The following SELENOV variants were observed in gnomAD, a reference collection of about 807,000 sequenced individuals.
SELENOV encodes the protein selenoprotein V.
A neutral mutation model predicts 21.6 loss-of-function variants in SELENOV; 25 were observed. That is an observed-to-expected ratio of 1.16 (90% CI 0.84 to 1.62). The LOEUF (loss-of-function observed/expected upper bound fraction) is 1.62, where lower values mean the gene tolerates loss of function less well. Among genes scored for constraint, SELENOV ranks in the 40% most tolerant of loss-of-function variants. The pLI, the probability that SELENOV is intolerant of heterozygous loss-of-function variation, is 0.00. For synonymous variants in SELENOV, 227 were observed against 216.9 expected, an observed-to-expected ratio of 1.05 and a Z score of -0.41; for missense variants, 472 against 459.0, an observed-to-expected ratio of 1.03 and a Z score of -0.26.
intron 5 of SELENOV, among the ~76,000 whole-genome samples, chr19:39,519,390 A>G (rs1260298617): frequency 6.6e-6 from 1 of 152,106 alleles, no homozygotes; most frequent in African/African-American, 2.4e-5. Flanking sequence ...GAGGCAGGGC[A>G]CAAGTCTAGC....
chr19:39,518,677 A>G (rs2079712189), intron 2 of SELENOV, 45 bp downstream of exon 2: 2 of 1,613,138 alleles, frequency 1.2e-6, no homozygotes. Flanking sequence ...TGAGGCAGGA[A>G]GACTGGGAGG....
exon 5 of SELENOV, chr19:39,519,091 C>T (rs762713512): frequency 6.6e-5 from 107 of 1,613,556 alleles, no homozygotes; most frequent in Non-Finnish European, 8.5e-5. Context: ...GCTTTGTGAA[C>T]GAGTCCAGGC....
In SELENOV at chr19:39,515,621, G is replaced by T; in HGVS notation, c.409G>T (p.Ala137Ser). Residue 137 changes from alanine to serine, a missense_variant, in exon 1 of 6, where the codon GCG (alanine) becomes TCG (serine). Ala to Ser is a moderately conservative substitution (Grantham distance 99). Transcript: ENST00000335426. This position sits in a 1 kb window ranked among gnomAD's most constrained non-coding sequence, Gnocchi z 5.1. ...CCAGCTCCTGGCAGGGATTCGGGCC[G>T]CGCTCCCCGTCTTGGACTCCTACCT... 1 of 1,548,164 alleles carries T rather than the reference G, an allele frequency of 6.5e-7. No individual in the cohort carries two copies. Among genetic ancestry groups the T allele is most frequent in the Non-Finnish European group, 8.7e-7 (1 of 1,146,854 alleles).
rs901936120 is a variant in SELENOV, at chr19:39,515,782, G to A, written c.570G>A (p.Gly190=). Residue 190 remains glycine, a synonymous_variant, in exon 1 of 6, where the codon GGG becomes GGA. Coordinates refer to ENST00000335426, the Ensembl canonical transcript of SELENOV. The surrounding 1 kb of genome is among the most constrained non-coding windows in gnomAD (Gnocchi z 5.1). ...CCAGCGAGGCCGGGCCCGCCCCGGG[G>A]CCCCTTCCCACGCGCACCCCGCTGG... is the stretch of plus-strand genomic sequence containing the variant. 7 of 1,549,246 alleles carry A rather than the reference G, an allele frequency of 4.5e-6. No homozygotes were observed. The Admixed American group carries it at 5.9e-5, about 13-fold the overall frequency.
In SELENOV at chr19:39,518,898, C is replaced by G; in HGVS notation, c.889-5C>G. 6.2e-7 allele frequency: 1 copy of G among 1,613,850 alleles called. No homozygotes were observed. The highest frequency in any genetic ancestry group is 8.5e-7 in the Non-Finnish European group (1 of 1,179,842). The stretch of plus-strand genomic sequence containing the variant: ...GCCTCCCCTACGCTCACCATTTCCT[C>G]CCAGGAGGAGGACAGAGCTGCCCAG... On this transcript the variant is annotated splice_region_variant and splice_polypyrimidine_tract_variant and intron_variant, in intron 3 of 5. Transcript: ENST00000335426.
In SELENOV at chr19:39,515,689, G is replaced by A; in HGVS notation, c.477G>A (p.Pro159=). ...TGGATCCGCCCCCGGAACCTGCTCC[G>A]GAGCTGCCTTTGTTGCCCGAGGAGG... Residue 159 remains proline, a synonymous_variant, in exon 1 of 6, where the codon CCG becomes CCA. Transcript: ENST00000335426. The surrounding 1 kb of genome is among the most constrained non-coding windows in gnomAD (Gnocchi z 5.1). 1.3e-6 allele frequency: 2 copies of A among 1,549,012 alleles called. No individual in the cohort carries two copies. Among genetic ancestry groups the A allele is most frequent in the Non-Finnish European group, 1.7e-6 (2 of 1,146,814 alleles).
At position 39,516,177 on chromosome 19, in the gene SELENOV, T is replaced by C. The variant is rs959784070; in HGVS notation, c.809+156T>C. The stretch of plus-strand genomic sequence containing the variant: ...CAGTTCCCAGATTGGAAACCCGCTC[T>C]TGTCTCTCATTCTCTTTGGGGCAGG... On this transcript the variant is annotated intron_variant, in intron 1 of 5. Coordinates refer to ENST00000335426, the Ensembl canonical transcript of SELENOV. 9.8e-6 allele frequency: 7 copies of C among 717,088 alleles called. No homozygotes were observed. The African/African-American group carries it at 1.2e-4, about 13-fold the overall frequency. The allele number at this position is 717,088 out of a possible 1,614,324, so 44.4% of individuals were successfully genotyped here. A position where few individuals can be genotyped will look rare whatever the true frequency, so the allele number is the denominator to read the frequency against.
intron 5 of SELENOV, among the ~76,000 whole-genome samples, chr19:39,519,671 G>GA (rs200589749): frequency 0.23 from 33,070 of 143,964 alleles, 3,884 homozygotes; most frequent in South Asian, 0.36. Context: ...GTCTCTACAA[G>GA]AAAAAAAAAA....
chr19:39,516,062 G>C, intron 1 of SELENOV, 41 bp downstream of exon 1: 1 of 1,532,672 alleles, frequency 6.5e-7, no homozygotes, highest in Non-Finnish European at 8.8e-7. Flanking sequence ...CCCGGGGACA[G>C]GGCCGGCAGT....
chr19:39,518,146 C>T (rs939090082), intron 1 of SELENOV, among the ~76,000 whole-genome samples: 3 of 151,308 alleles, frequency 2.0e-5, no homozygotes, highest in South Asian at 2.1e-4. Context: ...TGGTGGGCGC[C>T]TATAGTCCCA....
chr19:39,516,111 G>T, intron 1 of SELENOV, 90 bp downstream of exon 1: 1 of 1,144,660 alleles, frequency 8.7e-7, no homozygotes, highest in Non-Finnish European at 1.3e-6. Context: ...TCAGGGTTGG[G>T]GTAGGGCGAG....
In SELENOV at chr19:39,515,208, G is replaced by A. The variant is rs779049444; in HGVS notation, c.-5G>A. ...AACCGGCTTGCCCCGGTCCCCCTGG[G>A]CCCCATGAATAACCAGGCGCGGACC... On this transcript the variant is annotated 5_prime_UTR_variant, in exon 1 of 6. Coordinates refer to ENST00000335426, the Ensembl canonical transcript of SELENOV. This position sits in a 1 kb window ranked among gnomAD's most constrained non-coding sequence, Gnocchi z 5.1. 4.5e-4 allele frequency: 690 copies of A among 1,536,246 alleles called. 1 individual carries two copies. Among genetic ancestry groups the A allele is most frequent in the Non-Finnish European group, 5.8e-4 (663 of 1,135,172 alleles).
At chr19:39,516,671 G>T (rs1046437913) in intron 1 of SELENOV, among the ~76,000 whole-genome samples, 4 of 151,456 alleles carry the variant, frequency 2.6e-5, no homozygotes, top group African/African-American at 7.3e-5. Flanking sequence ...GGGACTACAG[G>T]TGTGCACCAC....
At chr19:39,518,502 T>G in intron 1 of SELENOV, 106 bp from the exon 2 acceptor site, 304 of 1,095,184 alleles carry the variant, frequency 2.8e-4, no homozygotes, top group Non-Finnish European at 3.9e-4. Context: ...GGGAGGAACA[T>G]GATCTAACTC....
In SELENOV at chr19:39,517,991, A is replaced by AAAAAAAAAAAAAAAAAG. The variant is rs374863818; in HGVS notation, c.810-617_810-616insAAAAAAAAAAAAAAAAG. Among the ~76,000 whole-genome samples, 221 of 92,062 alleles carry AAAAAAAAAAAAAAAAAG rather than the reference A, an allele frequency of 2.4e-3. 35 individuals carry two copies. The highest frequency in any genetic ancestry group is 0.014 in the Middle Eastern group (2 of 148). 60.4% of individuals were successfully genotyped at this position (92,062 alleles called of 152,430 possible). On this transcript the variant is annotated intron_variant, in intron 1 of 5. Transcript: ENST00000335426. ...AAAAAAAAAAAAAAAAAAAAAAAAAAGCCCAGCGCGGTGGCTCACGCCTGT... is the reference window on the plus strand; with the variant it reads ...AAAAAAAAAAAAAAAAAAAAAAAAAAAAAAAAAAAAAAAAAAGGCCCAGCGCGGTGGCTCACGCCTGT...
At position 39,515,623 on chromosome 19, in the gene SELENOV, G is replaced by T. The variant is rs928397613; in HGVS notation, c.411G>T (p.Ala137=). 1.9e-6 allele frequency: 3 copies of T among 1,548,194 alleles called. No homozygotes were observed. Among genetic ancestry groups the T allele is most frequent in the South Asian group, 1.2e-5 (1 of 84,050 alleles). The change falls in exon 1 of 6, where the codon GCG becomes GCT. Residue 137 remains alanine, a synonymous_variant. Coordinates refer to ENST00000335426, the Ensembl canonical transcript of SELENOV. The surrounding 1 kb of genome is among the most constrained non-coding windows in gnomAD (Gnocchi z 5.1). ...AGCTCCTGGCAGGGATTCGGGCCGC[G>T]CTCCCCGTCTTGGACTCCTACCTGG...
intron 1 of SELENOV, 27 bp downstream of exon 1, chr19:39,516,048 A>T (rs1398361300): frequency 6.5e-7 from 1 of 1,549,352 alleles, no homozygotes; most frequent in African/African-American, 1.4e-5. Context: ...TGCCTCTCCC[A>T]ACCCCCGGGG....
intron 1 of SELENOV, 153 bp downstream of exon 1, chr19:39,516,174 C>T (rs1284612949): frequency 1.4e-6 from 1 of 720,858 alleles, no homozygotes; most frequent in Non-Finnish European, 2.5e-6. Context: ...TGGAAACCCG[C>T]TCTTGTCTCT....
Position 39,515,970 on chromosome 19 carries a change from C to A in SELENOV, c.758C>A (p.Ser253Tyr). The change falls in exon 1 of 6, where the codon TCC (serine) becomes TAC (tyrosine). Residue 253 changes from serine to tyrosine, a missense_variant. Transcript: ENST00000335426. The surrounding 1 kb of genome is among the most constrained non-coding windows in gnomAD (Gnocchi z 5.1). The stretch of plus-strand genomic sequence containing the variant: ...AATTGTACGGAAACCTTCCCCTCCT[C>A]CAGCGAGAACTTCGCGCTGGACAAG... 1 of 1,607,434 alleles carries A rather than the reference C, an allele frequency of 6.2e-7. No homozygotes were observed. Among genetic ancestry groups the A allele is most frequent in the Admixed American group, 1.7e-5 (1 of 59,308 alleles).
Sources: allele counts gnomAD v4.1 joint callset (sites outside exome capture counted in the v4.1 genomes callset), GRCh38; gene constraint gnomAD v4.1.1; non-coding constraint Gnocchi (gnomAD v3.1); transcripts MANE v1.5; gene names NCBI Gene and HGNC (gene_info 2026-07-23, HGNC 2026-07-21).